Variants in CDH12 observed in about 807,000 individuals in gnomAD.
CDH12 encodes the protein cadherin 12, also known as cadherin-12.
In CDH12, 41 loss-of-function variants were observed where a neutral mutation model predicts 74.1. The observed-to-expected ratio is 0.55, with a 90% CI of 0.43 to 0.72. CDH12 has a LOEUF of 0.72. Among genes scored for constraint, CDH12 ranks in the 30% least tolerant of loss-of-function variants. CDH12 has a pLI of 0.00. For missense variants in CDH12, 945 were observed against 977.2 expected, an observed-to-expected ratio of 0.97 and a Z score of 0.44; for synonymous variants, 399 against 355.0, an observed-to-expected ratio of 1.12 and a Z score of -1.39.
intron 1 of CDH12, chr5:22,580,481 A>G (rs2652198): frequency 0.55 from 271,190 of 495,994 alleles, 75,642 homozygotes; most frequent in Admixed American, 0.71. Context: ...CAGACAAGTC[A>G]TACTTATGGC....
intron 2 of CDH12, among the ~76,000 whole-genome samples, chr5:22,471,613 G>A (rs1417132289): frequency 8.5e-5 from 13 of 152,074 alleles, no homozygotes; most frequent in African/African-American, 3.1e-4. Context: ...TTCAATCTTT[G>A]GTCATTTCCT....
intron 1 of CDH12, among the ~76,000 whole-genome samples, chr5:22,774,505 G>A (rs1048730084): frequency 5.9e-5 from 9 of 152,074 alleles, no homozygotes. Flanking sequence ...GGGACCCAAT[G>A]GGAGGTAATT....
In CDH12 at chr5:21,838,724, G is replaced by A. The variant is rs1223101180; in HGVS notation, c.814+3437C>T. ...ATACTCTTTTCATTTGTTAAGATCC[G>A]AAAATGACCATCTTGTTTCAGTGGG... On this transcript the variant is annotated intron_variant, in intron 8 of 14. Coordinates refer to ENST00000382254, the MANE Select transcript of CDH12 (RefSeq NM_004061.5). Among the ~76,000 whole-genome samples, 8 of 152,208 alleles carry A rather than the reference G, an allele frequency of 5.3e-5. No individual in the cohort carries two copies. In the East Asian group the frequency reaches 5.8e-4, roughly 11 times the overall value.
chr5:22,151,811 C>CT (rs1455353948), intron 4 of CDH12: 1 of 152,052 alleles, frequency 6.6e-6, no homozygotes, highest in African/African-American at 2.4e-5. Context: ...TTTATTGTAT[C>CT]TTTTACTCAC....
chr5:22,690,301 G>A (rs1561579547), intron 1 of CDH12, among the ~76,000 whole-genome samples: 1 of 152,012 alleles, frequency 6.6e-6, no homozygotes, highest in East Asian at 1.9e-4. Context: ...ACAGGGTATG[G>A]GAATTTTAAG....
chr5:21,849,255 T>C (rs1028698591), intron 7 of CDH12, among the ~76,000 whole-genome samples: 1 of 151,778 alleles, frequency 6.6e-6, no homozygotes, highest in Admixed American at 6.6e-5. Flanking sequence ...AAGGCATATA[T>C]CACATCCCTC....
intron 6 of CDH12, among the ~76,000 whole-genome samples, chr5:21,962,928 C>A (rs1035654329): frequency 2.6e-5 from 4 of 151,936 alleles, no homozygotes; most frequent in African/African-American, 9.7e-5. Flanking sequence ...AGATGTTAAC[C>A]CTGCTCAGGT....
chr5:22,604,817 C>G (rs957318156), intron 1 of CDH12, among the ~76,000 whole-genome samples: 3 of 151,964 alleles, frequency 2.0e-5, no homozygotes, highest in African/African-American at 7.3e-5. Flanking sequence ...CTCACTTGCT[C>G]CAAAGTAAGA....
At chr5:21,902,090 A>C (rs1208386359) in intron 6 of CDH12, among the ~76,000 whole-genome samples, 2 of 152,050 alleles carry the variant, frequency 1.3e-5, no homozygotes, top group Non-Finnish European at 2.9e-5. Flanking sequence ...CACTATACGC[A>C]AAGCAATATT....
intron 6 of CDH12, among the ~76,000 whole-genome samples, chr5:21,902,032 C>G (rs1753412921): frequency 6.6e-6 from 1 of 152,068 alleles, no homozygotes; most frequent in Non-Finnish European, 1.5e-5. Flanking sequence ...GTTGAATAAG[C>G]AAGTGAACAG....
At chr5:22,769,239 T>C (rs998967241) in intron 1 of CDH12, among the ~76,000 whole-genome samples, 5 of 152,098 alleles carry the variant, frequency 3.3e-5, no homozygotes, top group Non-Finnish European at 7.4e-5. Flanking sequence ...ACCCTTAATG[T>C]GGGTGGGCAC....
chr5:22,566,570 A>T (rs1739296373), intron 1 of CDH12, among the ~76,000 whole-genome samples: 1 of 152,090 alleles, frequency 6.6e-6, no homozygotes, highest in South Asian at 2.1e-4. Context: ...ATTTTGTAGC[A>T]TGCACTTGGC....
intron 3 of CDH12, among the ~76,000 whole-genome samples, chr5:22,310,616 C>T (rs1201854435): frequency 2.6e-5 from 4 of 152,238 alleles, no homozygotes; most frequent in African/African-American, 7.2e-5. Flanking sequence ...GCATGTAAGA[C>T]CATCCAATAG....
At chr5:21,945,283 G>A (rs1182109005) in intron 6 of CDH12, among the ~76,000 whole-genome samples, 4 of 151,488 alleles carry the variant, frequency 2.6e-5, no homozygotes, top group African/African-American at 4.8e-5. Context: ...AAAGTTAGCC[G>A]GGTGCATTGG....
rs1464819740 is a variant in CDH12 at position 21,931,925 on chromosome 5, G to A, written c.526+43166C>T. Among the ~76,000 whole-genome samples the A allele has an allele frequency of 4.6e-5, 7 of 152,174 alleles. No homozygotes were observed. The South Asian group carries it at 8.3e-4, about 18-fold the overall frequency. ...GGAGATTTTTAGAAATAAAAATCAT[G>A]CTGTTGATAGCATAAGTGGTCAAGA... On this transcript the variant is annotated intron_variant, in intron 6 of 14. Coordinates refer to ENST00000382254, the MANE Select transcript of CDH12 (RefSeq NM_004061.5).
intron 3 of CDH12, among the ~76,000 whole-genome samples, chr5:22,232,876 TTTTC>T (rs1409347198): frequency 6.8e-6 from 1 of 147,688 alleles, no homozygotes; most frequent in Non-Finnish European, 1.5e-5. Context: ...TATATATATT[TTTTC>T]TTTATTATAT....
chr5:22,657,258 A>T (rs1178239859), intron 1 of CDH12, among the ~76,000 whole-genome samples: 1 of 152,154 alleles, frequency 6.6e-6, no homozygotes, highest in Non-Finnish European at 1.5e-5. Context: ...GTAAGCATTG[A>T]TTGGAAATGG....
In CDH12 at chr5:22,666,282, C is replaced by CTTTTTTTTTTTTTTTTTTTTTTT. The variant is rs1161509257; in HGVS notation, c.-522-160919_-522-160918insAAAAAAAAAAAAAAAAAAAAAAA. Among the ~76,000 whole-genome samples, 7 of 83,530 alleles carry CTTTTTTTTTTTTTTTTTTTTTTT rather than the reference C, an allele frequency of 8.4e-5. 1 individual carries two copies. The highest frequency in any genetic ancestry group is 3.4e-4 in the East Asian group (1 of 2,956). The allele number at this position is 83,530 out of a possible 152,430, so 54.8% of individuals were successfully genotyped here. On this transcript the variant is annotated intron_variant, in intron 1 of 14. Transcript: ENST00000382254. ...TTATGGGATTTCTGTATCTCTCTAT[C>CTTTTTTTTTTTTTTTTTTTTTTT]TTTTTTTTTTTTTTTTTTTGTTTTT... is the stretch of plus-strand genomic sequence containing the variant.
At chr5:22,211,706 T>C (rs1479508179) in intron 4 of CDH12, among the ~76,000 whole-genome samples, 2 of 151,976 alleles carry the variant, frequency 1.3e-5, no homozygotes, top group South Asian at 2.1e-4. Flanking sequence ...CTAAATGATA[T>C]AGGAAATGTA....
Sources: allele counts gnomAD v4.1 joint callset (sites outside exome capture counted in the v4.1 genomes callset), GRCh38; gene constraint gnomAD v4.1.1; transcripts MANE v1.5; gene names NCBI Gene and HGNC (gene_info 2026-07-23, HGNC 2026-07-21).